ZNF385D: variants seen among roughly 807,000 people sequenced by gnomAD.
The protein encoded by ZNF385D is zinc finger protein 659.
Under a neutral mutation model 35.8 loss-of-function variants are expected in ZNF385D, and 15 were observed. The ratio of observed to expected loss-of-function variants is 0.42; its 90% CI spans 0.28 to 0.64. The LOEUF (loss-of-function observed/expected upper bound fraction) is 0.64. ZNF385D is among the 30% of genes least tolerant of loss of function. The probability of loss-of-function intolerance (pLI) is 0.23; values close to 1 mark genes in which losing one functional copy is unlikely to be tolerated. For synonymous variants in ZNF385D, 212 were observed against 186.8 expected, an observed-to-expected ratio of 1.13 and a Z score of -1.10; for missense variants, 474 against 494.6, an observed-to-expected ratio of 0.96 and a Z score of 0.39.
At chr3:21,915,555 T>A (rs983184029) in intron 3 of ZNF385D, among the ~76,000 whole-genome samples, 6 of 152,146 alleles carry the variant, frequency 3.9e-5, no homozygotes, top group African/African-American at 1.4e-4. Context: ...CCTGTATTGA[T>A]GCTTTGTATT....
At chr3:21,881,291 A>T (rs539532422) in intron 3 of ZNF385D, among the ~76,000 whole-genome samples, 14 of 152,086 alleles carry the variant, frequency 9.2e-5, no homozygotes, top group Admixed American at 5.2e-4. Context: ...CTCTGTTGGG[A>T]GAGGCTAATC....
intron 3 of ZNF385D, among the ~76,000 whole-genome samples, chr3:21,969,880 G>T (rs542552356): frequency 1.3e-5 from 2 of 152,230 alleles, no homozygotes; most frequent in Admixed American, 6.5e-5. Flanking sequence ...CATTTGTTTG[G>T]GTGATAGTAA....
chr3:22,254,157 G>A (rs983376072), intron 2 of ZNF385D, among the ~76,000 whole-genome samples: 2 of 151,582 alleles, frequency 1.3e-5, no homozygotes, highest in Non-Finnish European at 2.9e-5. Flanking sequence ...AAGAGAGAAA[G>A]GGAAATTCTC....
intron 2 of ZNF385D, among the ~76,000 whole-genome samples, chr3:21,616,239 C>T (rs998717061): frequency 1.3e-5 from 2 of 152,246 alleles, no homozygotes; most frequent in Non-Finnish European, 2.9e-5. Context: ...TGAGAACACA[C>T]AATATCAGGC....
At chr3:21,575,687 A>G (rs1374172227) in intron 2 of ZNF385D, among the ~76,000 whole-genome samples, 1 of 152,122 alleles carries the variant, frequency 6.6e-6, no homozygotes, top group Admixed American at 6.6e-5. Context: ...CAACCAGGCT[A>G]AGTCTTCCCA....
chr3:22,202,914 T>C (rs1232676618), intron 2 of ZNF385D, among the ~76,000 whole-genome samples: 1 of 152,104 alleles, frequency 6.6e-6, no homozygotes, highest in Non-Finnish European at 1.5e-5. Context: ...CTTGCCACTG[T>C]GGGCTAAAGT....
chr3:21,752,355 A>G (rs1038493149), upstream of ZNF385D, among the ~76,000 whole-genome samples: 5 of 152,212 alleles, frequency 3.3e-5, no homozygotes, highest in African/African-American at 1.2e-4. Flanking sequence ...AGTCTATGGA[A>G]GAATGCAATT....
At chr3:22,196,475 CT>C (rs1253776144) in intron 2 of ZNF385D, among the ~76,000 whole-genome samples, 1 of 151,836 alleles carries the variant, frequency 6.6e-6, no homozygotes, top group Non-Finnish European at 1.5e-5. Context: ...TCCTTTCATT[CT>C]TTTTTCTTTC....
intron 2 of ZNF385D, among the ~76,000 whole-genome samples, chr3:21,626,055 CTA>C: frequency 6.6e-6 from 1 of 152,180 alleles, no homozygotes; most frequent in East Asian, 1.9e-4. Flanking sequence ...GATGAGGAAA[CTA>C]TTAATAAAAT....
intron 2 of ZNF385D, among the ~76,000 whole-genome samples, chr3:22,229,061 T>C (rs1408830173): frequency 9.9e-5 from 15 of 152,216 alleles, no homozygotes; most frequent in East Asian, 3.9e-4. Flanking sequence ...CCTTGTGATA[T>C]TGTGAATCAA....
At chr3:22,043,555 A>C (rs1258984240) in intron 3 of ZNF385D, among the ~76,000 whole-genome samples, 2 of 151,862 alleles carry the variant, frequency 1.3e-5, no homozygotes, top group Non-Finnish European at 2.9e-5. Flanking sequence ...ATTATGTCCT[A>C]TACATTGTTC....
chr3:21,769,846 G>C (rs1407056891), intron 3 of ZNF385D, among the ~76,000 whole-genome samples: 2 of 149,746 alleles, frequency 1.3e-5, no homozygotes, highest in African/African-American at 2.5e-5. Flanking sequence ...ATACTACAAG[G>C]CTATAGTAAC....
chr3:21,904,841 G>C (rs1308068074), intron 3 of ZNF385D, among the ~76,000 whole-genome samples: 1 of 152,024 alleles, frequency 6.6e-6, no homozygotes, highest in African/African-American at 2.4e-5. Flanking sequence ...ATAAGAAAAT[G>C]TTTGCATTAT....
At chr3:21,497,803 C>G (rs772583563) in intron 4 of ZNF385D, among the ~76,000 whole-genome samples, 1 of 152,156 alleles carries the variant, frequency 6.6e-6, no homozygotes, top group Non-Finnish European at 1.5e-5. Context: ...GAGCGGAGAT[C>G]ATGCCACTGC....
At chr3:21,525,538 G>A (rs958798920) in intron 3 of ZNF385D, among the ~76,000 whole-genome samples, 17 of 151,822 alleles carry the variant, frequency 1.1e-4, no homozygotes, top group African/African-American at 3.9e-4. Flanking sequence ...TACAAAATTA[G>A]CCAGGCGTGG....
At chr3:21,611,191 T>C (rs557846478) in intron 2 of ZNF385D, among the ~76,000 whole-genome samples, 33 of 152,338 alleles carry the variant, frequency 2.2e-4, no homozygotes, top group African/African-American at 7.9e-4. Flanking sequence ...GTCCTGCCCA[T>C]GTTGAACAAG....
rs1227586827 is a variant in ZNF385D, at chr3:21,511,586, C to T, written c.277-563G>A. 7.1e-6 allele frequency: 3 copies of T among 421,174 alleles called. No individual in the cohort carries two copies. The East Asian group carries it at 2.1e-4, about 30-fold the overall frequency. 26.1% of individuals were successfully genotyped at this position (421,174 alleles called of 1,614,324 possible). A position where few individuals can be genotyped will look rare whatever the true frequency, so the allele number is the denominator to read the frequency against. ...TAAGTTCAAATGGAGCACACAGAAG[C>T]CGGGCAATTTCAGATTCTTTCTCCT... On this transcript the variant is annotated intron_variant, in intron 3 of 7. Coordinates refer to ENST00000281523, the MANE Select transcript of ZNF385D (RefSeq NM_024697.3).
chr3:22,024,703 C>T (rs1235085497), intron 3 of ZNF385D, among the ~76,000 whole-genome samples: 1 of 152,102 alleles, frequency 6.6e-6, no homozygotes, highest in African/African-American at 2.4e-5. Context: ...TCCTGATTCA[C>T]CGCTTGTGAG....
chr3:21,906,580 A>G (rs1308167850), intron 3 of ZNF385D, among the ~76,000 whole-genome samples: 2 of 152,056 alleles, frequency 1.3e-5, no homozygotes, highest in Non-Finnish European at 2.9e-5. Flanking sequence ...CCTTCACCCA[A>G]CATCCTGTTT....
Sources: gnomAD v4.1 joint callset for allele counts (sites outside exome capture counted in the v4.1 genomes callset) on GRCh38, gnomAD v4.1.1 for gene constraint, MANE v1.5 for transcripts, NCBI Gene and HGNC (gene_info 2026-07-23, HGNC 2026-07-21) for gene names.